The following PYGL variants were observed in gnomAD, a reference collection of about 807,000 sequenced individuals.
PYGL encodes glycogen phosphorylase L.
In PYGL, 90 loss-of-function variants were observed where a neutral mutation model predicts 100.1. The ratio of observed to expected loss-of-function variants is 0.90; its 90% CI spans 0.76 to 1.07. The LOEUF (loss-of-function observed/expected upper bound fraction) is 1.07. Among genes scored for constraint, PYGL ranks in the 50% least tolerant of loss-of-function variants. The probability of loss-of-function intolerance (pLI) is 0.00; values close to 1 mark genes in which losing one functional copy is unlikely to be tolerated. For synonymous variants in PYGL, 373 were observed against 393.0 expected (o/e 0.95, Z 0.60); for missense variants, 1,016 against 1,057.6 (o/e 0.96, Z 0.55).
chr14:50,917,178 C>T (rs961010513), intron 7 of PYGL, 73 bp from the exon 8 acceptor site: 2 of 1,511,120 alleles, frequency 1.3e-6, no homozygotes, highest in Non-Finnish European at 1.8e-6. Context: ...GTGTCTCCTG[C>T]ACTAGGAACT....
chr14:50,915,987 G>T lies in PYGL; in HGVS notation c.1093-16C>A, dbSNP rs58462290. The T allele has an allele frequency of 1.1e-4, 183 of 1,613,824 alleles. 1 individual carries two copies. The East Asian group carries it at 3.9e-3, about 34-fold the overall frequency. On this transcript the variant is annotated splice_polypyrimidine_tract_variant and intron_variant, in intron 9 of 19. Transcript: ENST00000216392. ...GCTCCCATGCCTGGGGGAAAGGAAGGAGTCAGCTGCTTGCCCTGAAGGTGG... is the reference window on the plus strand; with the variant it reads ...GCTCCCATGCCTGGGGGAAAGGAAGTAGTCAGCTGCTTGCCCTGAAGGTGG...
At position 50,916,741 on chromosome 14, in the gene PYGL, G is replaced by A. The variant is rs1211176828; in HGVS notation, c.1000-7C>T. On this transcript the variant is annotated splice_polypyrimidine_tract_variant and splice_region_variant and intron_variant, in intron 8 of 19. Coordinates refer to ENST00000216392, the MANE Select transcript of PYGL (RefSeq NM_002863.5). ...CATTCAGCTGGATGGCCACCTGGGT[G>A]GGGAAAGACATCAACATGAAGGCAA... 3 of 1,611,914 alleles carry A rather than the reference G, an allele frequency of 1.9e-6. No individual in the cohort carries two copies. The highest frequency in any genetic ancestry group is 1.1e-5 in the South Asian group (1 of 90,992).
intron 7 of PYGL, among the ~76,000 whole-genome samples, chr14:50,917,652 G>A (rs1436670418): frequency 6.6e-6 from 1 of 151,974 alleles, no homozygotes; most frequent in African/African-American, 2.4e-5. Context: ...AGCACTGGCA[G>A]CCATGGACCG....
rs1408044729 is a variant in PYGL at position 50,909,949 on chromosome 14, T to C, written c.2123A>G (p.Asn708Ser). Residue 708 changes from asparagine to serine, a missense_variant, in exon 17 of 20, where the codon AAC (asparagine) becomes AGC (serine). Asn to Ser is a conservative substitution (Grantham distance 46, BLOSUM62 1). Transcript: ENST00000216392. ...TATCCTCATGCCAAAGATGAACAGG[T>C]TCTCTTCCCCAGCTTCTTCTGCCAT... Reference protein sequence around the residue: ...VEMAEEAGEENLFIFGMRIDD... With the variant: ...VEMAEEAGEESLFIFGMRIDD... The C allele has an allele frequency of 2.5e-6, 4 of 1,614,170 alleles. No homozygotes were observed. The South Asian group carries it at 3.3e-5, about 13-fold the overall frequency.
intron 13 of PYGL, 101 bp from the exon 14 acceptor site, chr14:50,912,404 G>C (rs935031214): frequency 3.4e-5 from 49 of 1,446,774 alleles, no homozygotes; most frequent in Non-Finnish European, 4.1e-5. Context: ...TTTTGCCCAG[G>C]CTGGAGTGCA....
intron 19 of PYGL, 179 bp downstream of exon 19, chr14:50,908,092 A>T (rs2050351544): frequency 1.9e-6 from 1 of 531,578 alleles, no homozygotes; most frequent in African/African-American, 2.0e-5. Context: ...GAACTTGGGA[A>T]AAGACAAGGT....
chr14:50,932,394 C>T (rs2050609850), intron 3 of PYGL, among the ~76,000 whole-genome samples: 2 of 152,176 alleles, frequency 1.3e-5, no homozygotes, highest in African/African-American at 4.8e-5. Flanking sequence ...GTATTTCCTT[C>T]TCCGTGGGCA....
Position 50,911,967 on chromosome 14 carries a change from A to T in PYGL, c.1827+11T>A, listed in dbSNP as rs189147741. Reference sequence around the variant, plus strand: ...GAGCCCTCAAGTCCCCATTGAATAGATTCAACTTACTTTACCACCAATGAT... The same window carrying T: ...GAGCCCTCAAGTCCCCATTGAATAGTTTCAACTTACTTTACCACCAATGAT... On this transcript the variant is annotated intron_variant, in intron 15 of 19. Coordinates refer to ENST00000216392, the MANE Select transcript of PYGL (RefSeq NM_002863.5). 152 of 1,613,466 alleles carry T rather than the reference A, an allele frequency of 9.4e-5. 1 individual carries two copies. The African/African-American group carries it at 1.9e-3, about 20-fold the overall frequency.
At position 50,908,256 on chromosome 14, in the gene PYGL, T is replaced by C; in HGVS notation, c.2379+15A>G. The C allele has an allele frequency of 6.4e-7, 1 of 1,560,952 alleles. No homozygotes were observed. Among genetic ancestry groups the C allele is most frequent in the South Asian group, 1.1e-5 (1 of 89,848 alleles). Reference sequence around the variant, plus strand: ...GTAAACTGGTTTTCTTTATAAATCTTGGCAATTTACTCACCATGTACAGCT... The same window carrying C: ...GTAAACTGGTTTTCTTTATAAATCTCGGCAATTTACTCACCATGTACAGCT... On this transcript the variant is annotated intron_variant, in intron 19 of 19. Coordinates refer to ENST00000216392, the MANE Select transcript of PYGL (RefSeq NM_002863.5).
intron 3 of PYGL, among the ~76,000 whole-genome samples, chr14:50,933,462 AT>A (rs1455822383): frequency 6.6e-6 from 1 of 152,234 alleles, no homozygotes; most frequent in Non-Finnish European, 1.5e-5. Context: ...AAATCAGAAG[AT>A]TTTTGAACAA....
chr14:50,924,155 G>C, intron 4 of PYGL, 55 bp from the exon 5 acceptor site: 1 of 1,566,126 alleles, frequency 6.4e-7, no homozygotes, highest in Non-Finnish European at 8.8e-7. Context: ...TATGAACCTA[G>C]CACTTCAATT....
chr14:50,916,922 C>T (rs775971789), intron 8 of PYGL, 40 bp downstream of exon 8: 12 of 1,606,666 alleles, frequency 7.5e-6, no homozygotes, highest in African/African-American at 1.3e-5. Flanking sequence ...CAGTCAATCC[C>T]TCAGTGGACC....
At chr14:50,926,423 G>A (rs1019469716) in intron 4 of PYGL, among the ~76,000 whole-genome samples, 2 of 151,796 alleles carry the variant, frequency 1.3e-5, no homozygotes, top group African/African-American at 4.8e-5. Flanking sequence ...TTGTCAAGAA[G>A]CTTGTTAAAG....
At position 50,920,605 on chromosome 14, in the gene PYGL, A is replaced by G. The variant is rs1237617520; in HGVS notation, c.791T>C (p.Ile264Thr). 6.2e-7 allele frequency: 1 copy of G among 1,612,208 alleles called. No individual in the cohort carries two copies. Among genetic ancestry groups the G allele is most frequent in the Non-Finnish European group, 8.5e-7 (1 of 1,178,240 alleles). Residue 264 changes from isoleucine to threonine, a missense_variant, in exon 7 of 20, where the codon ATT becomes ACT. Coordinates refer to ENST00000216392, the MANE Select transcript of PYGL (RefSeq NM_002863.5). ...CAGGTTTCGGTCCAGCACAGCCTGA[A>G]TGTAGTCTCCAACATTAACTAGGGG... ...NLRDFNVGDYIQAVLDRNLAE... is the reference protein window; with the variant it reads ...NLRDFNVGDYTQAVLDRNLAE...
At chr14:50,925,985 G>A (rs1243292841) in intron 4 of PYGL, among the ~76,000 whole-genome samples, 3 of 152,112 alleles carry the variant, frequency 2.0e-5, no homozygotes, top group Admixed American at 6.6e-5. Flanking sequence ...GATTCTACTG[G>A]TCCCTGAACC....
chr14:50,909,914 C>G lies in PYGL; in HGVS notation c.2158G>C (p.Ala720Pro). 2.5e-6 allele frequency: 4 copies of G among 1,614,178 alleles called. No individual in the cohort carries two copies. Among genetic ancestry groups the G allele is most frequent in the Non-Finnish European group, 3.4e-6 (4 of 1,180,016 alleles). ...FIFGMRIDDV[A>P]ALDKKGYEAK... is the part of the protein sequence containing the mutation. ...TCTTACCCTTTCTTGTCCAAAGCAG[C>G]CACATCATCTATCCTCATGCCAAAG... The change falls in exon 17 of 20, where the codon GCT becomes CCT. Residue 720 changes from alanine (A) to proline (P), a missense_variant. By Grantham distance (27) the Ala-to-Pro change is conservative. Transcript: ENST00000216392.
chr14:50,942,353 A>G lies in PYGL; in HGVS notation c.243+1808T>C, dbSNP rs1438835274. ...AAAGCACTGCATAAGCCACTGAAGG[A>G]AAAACATACAAGATTCTCTGGTGCT... On this transcript the variant is annotated intron_variant, in intron 1 of 19. Coordinates refer to ENST00000216392, the MANE Select transcript of PYGL (RefSeq NM_002863.5). 5.0e-5 allele frequency among the ~76,000 whole-genome samples: 7 copies of G among 140,200 alleles called. 1 individual carries two copies. The allele number at this position is 140,200 out of a possible 152,430, so 92.0% of individuals were successfully genotyped here. A position where few individuals can be genotyped will look rare whatever the true frequency, so the allele number is the denominator to read the frequency against.
At position 50,932,942 on chromosome 14, in the gene PYGL, C is replaced by G. The variant is rs1427392839; in HGVS notation, c.425-1166G>C. Among the ~76,000 whole-genome samples, 4 of 152,318 alleles carry G rather than the reference C, an allele frequency of 2.6e-5. No homozygotes were observed. In the South Asian group the frequency reaches 8.3e-4, roughly 32 times the overall value. Reference sequence around the variant, plus strand: ...CTAGGCTTTCAAGTTTTTCTTACATCGCCAATCCCTGTGCTCACATATGGC... The same window carrying G: ...CTAGGCTTTCAAGTTTTTCTTACATGGCCAATCCCTGTGCTCACATATGGC... On this transcript the variant is annotated intron_variant, in intron 3 of 19. Coordinates refer to ENST00000216392, the MANE Select transcript of PYGL (RefSeq NM_002863.5).
At chr14:50,908,060 T>G in intron 19 of PYGL, 2 of 417,604 alleles carry the variant, frequency 4.8e-6, no homozygotes, top group Admixed American at 4.3e-5. Context: ...CCTGCTGAAA[T>G]GTCAAATCTC....
Sources: gnomAD v4.1 joint callset for allele counts (sites outside exome capture counted in the v4.1 genomes callset) on GRCh38, gnomAD v4.1.1 for gene constraint, MANE v1.5 for transcripts, NCBI Gene and HGNC (gene_info 2026-07-23, HGNC 2026-07-21) for gene names.